The following DNAAF11 variants were observed in gnomAD, a reference collection of about 807,000 sequenced individuals.
DNAAF11 encodes the protein leucine rich repeat containing 6.
DNAAF11 carries 45 observed loss-of-function variants against 60.8 expected under a neutral mutation model. The observed-to-expected ratio is 0.74, with a 90% CI of 0.58 to 0.95. DNAAF11 has a LOEUF of 0.95. Ranked by LOEUF, DNAAF11 falls within the 40% of genes least tolerant of loss-of-function variation. DNAAF11 has a pLI of 0.00. For synonymous variants in DNAAF11, 191 were observed against 183.5 expected (o/e 1.04, Z -0.33); for missense variants, 546 against 546.2 (o/e 1.00, Z 0.00).
intron 10 of DNAAF11, among the ~76,000 whole-genome samples, chr8:132,600,972 C>T (rs1817551081): frequency 6.6e-6 from 1 of 152,176 alleles, no homozygotes; most frequent in Non-Finnish European, 1.5e-5. Flanking sequence ...AAACTACCAT[C>T]AGAGTGAATA....
chr8:132,700,792 T>A, the DNAAF11 span, among the ~76,000 whole-genome samples: 18 of 152,292 alleles, frequency 1.2e-4, no homozygotes, highest in Non-Finnish European at 1.2e-4. Flanking sequence ...TCAGTAGCCT[T>A]ACCAAAATGT....
At chr8:132,604,057 CT>C (rs1403575454) in intron 10 of DNAAF11, among the ~76,000 whole-genome samples, 2 of 152,070 alleles carry the variant, frequency 1.3e-5, no homozygotes, top group Non-Finnish European at 2.9e-5. Flanking sequence ...GAGGCTTCCA[CT>C]TTTTTCAGTT....
the DNAAF11 span, among the ~76,000 whole-genome samples, chr8:132,698,004 T>C: frequency 6.6e-6 from 1 of 152,196 alleles, no homozygotes; most frequent in African/African-American, 2.4e-5. Context: ...ACAACACCCC[T>C]GTGAGATAGG....
At chr8:132,700,867 G>A in the DNAAF11 span, among the ~76,000 whole-genome samples, 1 of 152,140 alleles carries the variant, frequency 6.6e-6, no homozygotes, top group Admixed American at 6.5e-5. Context: ...AGAAAACGAA[G>A]TGATAGAGTG....
chr8:132,612,451 G>A (rs566609886), intron 8 of DNAAF11, among the ~76,000 whole-genome samples: 1 of 152,196 alleles, frequency 6.6e-6, no homozygotes, highest in South Asian at 2.1e-4. Context: ...AGAAATAATT[G>A]TCTGACAGTT....
chr8:132,626,887 G>A, intron 5 of DNAAF11, among the ~76,000 whole-genome samples: 1 of 152,098 alleles, frequency 6.6e-6, no homozygotes, highest in South Asian at 2.1e-4. Context: ...CATTTTGAAA[G>A]TATCTTTTCA....
intron 10 of DNAAF11, among the ~76,000 whole-genome samples, chr8:132,588,828 T>C (rs550563456): frequency 1.3e-5 from 2 of 152,192 alleles, no homozygotes; most frequent in Admixed American, 6.5e-5. Context: ...CTTACAATCA[T>C]GGCAGAAGGT....
chr8:132,666,946 G>C (rs1265322280), intron 1 of DNAAF11, among the ~76,000 whole-genome samples: 1 of 152,134 alleles, frequency 6.6e-6, no homozygotes, highest in East Asian at 1.9e-4. Flanking sequence ...AAGAGAATGG[G>C]GCAGATAAAA....
At chr8:132,658,985 C>T (rs1586720421) in intron 2 of DNAAF11, among the ~76,000 whole-genome samples, 1 of 152,112 alleles carries the variant, frequency 6.6e-6, no homozygotes, top group South Asian at 2.1e-4. Context: ...CTAAGCAGGC[C>T]CACAAACTTG....
At chr8:132,612,656 G>A (rs572151133) in intron 8 of DNAAF11, among the ~76,000 whole-genome samples, 4 of 143,220 alleles carry the variant, frequency 2.8e-5, no homozygotes, top group African/African-American at 1.1e-4. Flanking sequence ...CTAAGTGATA[G>A]GAGATCATGA....
At chr8:132,599,543 G>A (rs1030594211) in intron 10 of DNAAF11, among the ~76,000 whole-genome samples, 3 of 152,242 alleles carry the variant, frequency 2.0e-5, no homozygotes, top group Non-Finnish European at 2.9e-5. Flanking sequence ...CTGGCAAACC[G>A]AATCCAGCAG....
chr8:132,662,146 C>A (rs1031159881), intron 1 of DNAAF11, among the ~76,000 whole-genome samples: 1 of 152,170 alleles, frequency 6.6e-6, no homozygotes, highest in Non-Finnish European at 1.5e-5. Context: ...AGAAAAGGAA[C>A]GCTTTAGATC....
rs188058082 is a variant in DNAAF11 at position 132,598,119 on chromosome 8, C to T, written c.1140+12047G>A. Among the ~76,000 whole-genome samples the T allele has an allele frequency of 2.0e-5, 3 of 152,272 alleles. No individual in the cohort carries two copies. In the East Asian group the frequency reaches 5.8e-4, roughly 29 times the overall value. On this transcript the variant is annotated intron_variant, in intron 10 of 11. Coordinates refer to ENST00000620350, the MANE Select transcript of DNAAF11 (RefSeq NM_012472.6). ...TTCCTCTTCTGCAAAATGATAATCACCCCTACTCCATAAGATGTTCAAAGT... is the reference window on the plus strand; with the variant it reads ...TTCCTCTTCTGCAAAATGATAATCATCCCTACTCCATAAGATGTTCAAAGT...
At chr8:132,603,002 G>A (rs190352314) in intron 10 of DNAAF11, among the ~76,000 whole-genome samples, 64 of 152,152 alleles carry the variant, frequency 4.2e-4, no homozygotes, top group African/African-American at 1.3e-3. Context: ...CAATCCTTCA[G>A]AATCACACCC....
At position 132,625,315 on chromosome 8, in the gene DNAAF11, G is replaced by C. The variant is rs1422904765; in HGVS notation, c.793C>G (p.Leu265Val). Reference protein sequence around the residue: ...LFTPESRLETLRHMEKQRKKQ... With the variant: ...LFTPESRLETVRHMEKQRKKQ... Reference sequence around the variant, plus strand: ...TTCCGTTGTTTTTCCATGTGTCTAAGAGTTTCCAATCTTGATTCAGGAGTA... The same window carrying C: ...TTCCGTTGTTTTTCCATGTGTCTAACAGTTTCCAATCTTGATTCAGGAGTA... Residue 265 changes from leucine to valine, a missense_variant, in exon 6 of 12, where the codon CTT becomes GTT. Leu to Val is a conservative substitution (Grantham distance 32). Coordinates refer to ENST00000620350, the MANE Select transcript of DNAAF11 (RefSeq NM_012472.6). 3 of 1,612,864 alleles carry C rather than the reference G, an allele frequency of 1.9e-6. No homozygotes were observed. The highest frequency in any genetic ancestry group is 2.5e-6 in the Non-Finnish European group (3 of 1,179,430).
chr8:132,691,021 C>T, the DNAAF11 span, among the ~76,000 whole-genome samples: 1 of 151,658 alleles, frequency 6.6e-6, no homozygotes, highest in Non-Finnish European at 1.5e-5. Flanking sequence ...GCCTCTTTTC[C>T]ATTCTATATT....
Position 132,594,000 on chromosome 8 carries a change from A to T in DNAAF11, c.1141-10221T>A, listed in dbSNP as rs533942250. ...AAGATTTCATAAATAGGAAAAAGGA[A>T]GTAATCACCAAAATAGAAATAAAAT... On this transcript the variant is annotated intron_variant, in intron 10 of 11. Coordinates refer to ENST00000620350, the MANE Select transcript of DNAAF11 (RefSeq NM_012472.6). 5.3e-5 allele frequency among the ~76,000 whole-genome samples: 8 copies of T among 152,282 alleles called. No homozygotes were observed. The South Asian group carries it at 1.7e-3, about 32-fold the overall frequency.
chr8:132,599,418 AT>A (rs1387813347), intron 10 of DNAAF11, among the ~76,000 whole-genome samples: 1 of 152,220 alleles, frequency 6.6e-6, no homozygotes, highest in Non-Finnish European at 1.5e-5. Context: ...TCCCTAACTC[AT>A]TTTATGAGGC....
At chr8:132,654,001 C>G (rs1823285516) in intron 3 of DNAAF11, among the ~76,000 whole-genome samples, 1 of 152,074 alleles carries the variant, frequency 6.6e-6, no homozygotes, top group African/African-American at 2.4e-5. Flanking sequence ...CACGATTCAT[C>G]TATATGCCTT....
Sources: gnomAD v4.1 joint callset for allele counts (sites outside exome capture counted in the v4.1 genomes callset) on GRCh38, gnomAD v4.1.1 for gene constraint, MANE v1.5 for transcripts, NCBI Gene and HGNC (gene_info 2026-07-23, HGNC 2026-07-21) for gene names.